Variants in TEX26 observed in about 807,000 individuals in gnomAD.
TEX26 encodes the protein testis-expressed protein 26.
Under a neutral mutation model 35.3 loss-of-function variants are expected in TEX26, and 34 were observed. The observed-to-expected ratio is 0.96, with a 90% CI of 0.73 to 1.28. The LOEUF (loss-of-function observed/expected upper bound fraction) is 1.28. TEX26 is among the 50% of genes most tolerant of loss of function. The pLI is 0.00. For synonymous variants in TEX26, 136 were observed against 111.8 expected (o/e 1.22, Z -1.36); for missense variants, 371 against 330.1 (o/e 1.12, Z -0.96).
intron 6 of TEX26, among the ~76,000 whole-genome samples, chr13:30,974,621 T>A (rs1954823506): frequency 6.6e-6 from 1 of 152,220 alleles, no homozygotes; most frequent in Non-Finnish European, 1.5e-5. Context: ...TTCTGTCCAG[T>A]AAGTTTGCTA....
intron 1 of TEX26, among the ~76,000 whole-genome samples, chr13:30,939,419 T>A (rs1025907824): frequency 2.0e-5 from 3 of 152,226 alleles, no homozygotes; most frequent in African/African-American, 7.2e-5. Flanking sequence ...ATTACTTTCC[T>A]CTTTATATTT....
intron 6 of TEX26, among the ~76,000 whole-genome samples, chr13:30,974,131 A>AAAAAGATATATATATATATATATAT: frequency 1.2e-5 from 1 of 84,430 alleles, no homozygotes; most frequent in African/African-American, 4.8e-5. Flanking sequence ...AAAAAAAAAA[A>AAAAAGATATATATATATATATATAT]ATATATATAT....
chr13:30,953,650 C>G (rs1954013349), intron 3 of TEX26, among the ~76,000 whole-genome samples: 1 of 152,198 alleles, frequency 6.6e-6, no homozygotes, highest in South Asian at 2.1e-4. Context: ...CTAGAATGCC[C>G]TTATCCTGTG....
At chr13:30,939,397 A>C (rs1489779667) in intron 1 of TEX26, among the ~76,000 whole-genome samples, 2 of 152,220 alleles carry the variant, frequency 1.3e-5, no homozygotes, top group South Asian at 4.1e-4. Flanking sequence ...AAAATGATAG[A>C]GTTTCAGATG....
chr13:30,950,215 G>A (rs1408230918), intron 2 of TEX26, among the ~76,000 whole-genome samples: 1 of 152,166 alleles, frequency 6.6e-6, no homozygotes, highest in Non-Finnish European at 1.5e-5. Flanking sequence ...AGACCAGCCT[G>A]ACCAATATGG....
chr13:30,943,123 C>T (rs1024006651), intron 2 of TEX26, among the ~76,000 whole-genome samples: 2 of 151,950 alleles, frequency 1.3e-5, no homozygotes, highest in Non-Finnish European at 2.9e-5. Flanking sequence ...ATCCATGAAA[C>T]ACATCCATGG....
At chr13:30,963,729 G>C (rs910662431) in intron 4 of TEX26, among the ~76,000 whole-genome samples, 1 of 152,210 alleles carries the variant, frequency 6.6e-6, no homozygotes. Flanking sequence ...TTTGTAGTCT[G>C]CAAAACTTTT....
At chr13:30,965,047 T>C (rs569167659) in intron 4 of TEX26, among the ~76,000 whole-genome samples, 7 of 152,286 alleles carry the variant, frequency 4.6e-5, no homozygotes, top group South Asian at 4.1e-4. Context: ...CCAAAATATC[T>C]TAAGGGGTGC....
rs201077522 is a variant in TEX26, at chr13:30,954,257, T to A, written c.312+1432T>A. ...TAATGTATTCAACCCTGAAAAAAAA[T>A]ATATATATTTATAGACCTATACACA... On this transcript the variant is annotated intron_variant, in intron 3 of 6. Coordinates refer to ENST00000380473, the MANE Select transcript of TEX26 (RefSeq NM_152325.3). Among the ~76,000 whole-genome samples, 107 of 128,454 alleles carry A rather than the reference T, an allele frequency of 8.3e-4. 3 individuals carry two copies. The South Asian group carries it at 0.011, about 14-fold the overall frequency. 84.3% of individuals were successfully genotyped at this position (128,454 alleles called of 152,430 possible).
intron 2 of TEX26, among the ~76,000 whole-genome samples, chr13:30,946,081 A>T (rs9603722): frequency 0.32 from 49,093 of 151,706 alleles, 9,297 homozygotes; most frequent in Non-Finnish European, 0.42. Flanking sequence ...TCTCCCTCAG[A>T]ACACCAATTA....
chr13:30,962,839 T>C (rs1193009251), intron 4 of TEX26, among the ~76,000 whole-genome samples: 1 of 147,794 alleles, frequency 6.8e-6, no homozygotes, highest in African/African-American at 2.7e-5. Context: ...GTTTTTTTTT[T>C]TGAGACGGAG....
chr13:30,952,521 A>T (rs1953965206), intron 2 of TEX26, 139 bp from the exon 3 acceptor site: 1 of 694,968 alleles, frequency 1.4e-6, no homozygotes, highest in Admixed American at 3.9e-5. Context: ...AAAACCTGAA[A>T]TTAAATTATT....
chr13:30,960,953 A>T (rs1235891415), intron 4 of TEX26, among the ~76,000 whole-genome samples: 1 of 152,252 alleles, frequency 6.6e-6, no homozygotes, highest in African/African-American at 2.4e-5. Flanking sequence ...AAATATAATT[A>T]AAAACTGTGT....
chr13:30,942,100 G>C (rs1230775963), intron 2 of TEX26, among the ~76,000 whole-genome samples: 1 of 152,156 alleles, frequency 6.6e-6, no homozygotes, highest in Non-Finnish European at 1.5e-5. Flanking sequence ...GTTTTCCATA[G>C]AGGTTGTACT....
intron 3 of TEX26, 89 bp from the exon 4 acceptor site, chr13:30,956,784 G>T: frequency 8.1e-7 from 1 of 1,233,632 alleles, no homozygotes. Context: ...AAAGGATTCT[G>T]AAGAATATGT....
At chr13:30,973,547 A>G (rs939383610) in intron 6 of TEX26, 1 of 152,238 alleles carries the variant, frequency 6.6e-6, no homozygotes, top group African/African-American at 2.4e-5. Context: ...AATACTGGAG[A>G]CAAGGTATGG....
At chr13:30,939,390 A>G (rs554892556) in intron 1 of TEX26, among the ~76,000 whole-genome samples, 2 of 152,380 alleles carry the variant, frequency 1.3e-5, no homozygotes, top group Admixed American at 1.3e-4. Context: ...GTCTCTTAAA[A>G]TGATAGAGTT....
intron 4 of TEX26, among the ~76,000 whole-genome samples, chr13:30,965,941 C>T (rs1954509683): frequency 6.6e-6 from 1 of 152,210 alleles, no homozygotes; most frequent in Non-Finnish European, 1.5e-5. Flanking sequence ...TCCAAAATCT[C>T]TCTGACACCC....
At chr13:30,936,859 C>T (rs1204905250) in intron 1 of TEX26, 1 of 985,244 alleles carries the variant, frequency 1.0e-6, no homozygotes, top group Non-Finnish European at 1.2e-6. Context: ...AGAGAACATA[C>T]TAGGAACAGA....
Sources: gnomAD v4.1 joint callset for allele counts (sites outside exome capture counted in the v4.1 genomes callset) on GRCh38, gnomAD v4.1.1 for gene constraint, MANE v1.5 for transcripts, NCBI Gene and HGNC (gene_info 2026-07-23, HGNC 2026-07-21) for gene names.